Variants in PCDHA3 observed in about 807,000 individuals in gnomAD.
PCDHA3 encodes the protein protocadherin alpha 3.
In PCDHA3, 41 loss-of-function variants were observed where a neutral mutation model predicts 62.2. That is an observed-to-expected ratio of 0.66 (90% CI 0.51 to 0.86). PCDHA3 has a LOEUF of 0.86. Among genes scored for constraint, PCDHA3 ranks in the 40% least tolerant of loss-of-function variants. The pLI is 0.00. For synonymous variants in PCDHA3, 640 were observed against 555.4 expected (o/e 1.15, Z -2.14); for missense variants, 1,304 against 1,241.2 (o/e 1.05, Z -0.76).
chr5:140,860,713 A>G (rs2046537417), intron 1 of PCDHA3: 1 of 152,204 alleles, frequency 6.6e-6, no homozygotes, highest in Non-Finnish European at 1.5e-5. Context: ...GTTCTCCATG[A>G]AAAGTTTTTT....
chr5:140,869,828 T>G, intron 1 of PCDHA3: 2 of 1,611,962 alleles, frequency 1.2e-6, no homozygotes, highest in South Asian at 2.2e-5. Context: ...GATCCAGAGT[T>G]TGATAAATCA....
At chr5:140,849,934 G>A (rs2150458402) in intron 1 of PCDHA3, 1 of 1,598,054 alleles carries the variant, frequency 6.3e-7, no homozygotes, top group East Asian at 2.2e-5. Context: ...GTGTCTGCGC[G>A]GGACGCTGAC....
chr5:140,928,921 C>A (rs782289381), intron 1 of PCDHA3: 1 of 1,614,116 alleles, frequency 6.2e-7, no homozygotes, highest in Non-Finnish European at 8.5e-7. Flanking sequence ...AGGAGGGCAG[C>A]TTTCTGCCCA....
At chr5:140,936,986 A>G (rs2091244455) in intron 1 of PCDHA3, among the ~76,000 whole-genome samples, 1 of 151,898 alleles carries the variant, frequency 6.6e-6, no homozygotes, top group Non-Finnish European at 1.5e-5. Context: ...GCTTGTTAAC[A>G]TTGACAATAT....
intron 2 of PCDHA3, among the ~76,000 whole-genome samples, chr5:140,981,687 A>ATCATTCAT (rs200213847): frequency 0.01 from 1,586 of 152,088 alleles, 32 homozygotes; most frequent in African/African-American, 0.036. Flanking sequence ...CCTCCCTTCC[A>ATCATTCAT]TCATTCATTC....
chr5:140,843,347 C>T, intron 1 of PCDHA3: 1 of 1,596,018 alleles, frequency 6.3e-7, no homozygotes. Flanking sequence ...CGGCCAGGCT[C>T]CAAAAGCGTC....
chr5:140,869,516 A>G, intron 1 of PCDHA3: 2 of 1,614,226 alleles, frequency 1.2e-6, no homozygotes, highest in Non-Finnish European at 1.7e-6. Flanking sequence ...CTCAGAGAAC[A>G]AAAGCTGCTG....
At position 140,877,077 on chromosome 5, in the gene PCDHA3, G is replaced by A. The variant is rs373726752; in HGVS notation, c.2394+73486G>A. The A allele has an allele frequency of 1.1e-4, 183 of 1,613,104 alleles. 1 individual carries two copies. The highest frequency in any genetic ancestry group is 1.5e-4 in the Non-Finnish European group (175 of 1,179,844). On this transcript the variant is annotated intron_variant, in intron 1 of 3. Coordinates refer to ENST00000522353, the MANE Select transcript of PCDHA3 (RefSeq NM_018906.3). ...AGCTGGAGCTGCTGCAGTTCCAGGT[G>A]AGCGCGCGCGACGCCGGCGTGCCGC...
Position 140,883,664 on chromosome 5 carries a change from G to A in PCDHA3, c.2394+80073G>A, listed in dbSNP as rs200846533. The A allele has an allele frequency of 6.7e-5, 108 of 1,613,836 alleles. No individual in the cohort carries two copies. Among genetic ancestry groups the A allele is most frequent in the Non-Finnish European group, 8.9e-5 (105 of 1,179,872 alleles). On this transcript the variant is annotated intron_variant, in intron 1 of 3. Transcript: ENST00000522353. ...GCCCGAGTACACGGTGTTCGTGAAG[G>A]AAAACAATCCGCCGGGCTGCCACAT... is the stretch of plus-strand genomic sequence containing the variant.
rs1484578726 is a variant in PCDHA3 at position 140,802,134 on chromosome 5, A to G, written c.937A>G (p.Ser313Gly). ...SVKGNIDFEE[S>G]KSYEIQVEAT... The stretch of plus-strand genomic sequence containing the variant: ...AAAGGGTAACATAGATTTCGAGGAA[A>G]GTAAGTCATATGAAATCCAGGTAGA... Residue 313 changes from serine (S) to glycine (G), a missense_variant, in exon 1 of 4, where the codon AGT (serine) becomes GGT (glycine). Ser to Gly is a moderately conservative substitution (Grantham distance 56, BLOSUM62 0). Coordinates refer to ENST00000522353, the MANE Select transcript of PCDHA3 (RefSeq NM_018906.3). The G allele has an allele frequency of 1.2e-6, 2 of 1,614,248 alleles. No homozygotes were observed. Among genetic ancestry groups the G allele is most frequent in the African/African-American group, 1.3e-5 (1 of 75,066 alleles).
chr5:140,950,087 T>G (rs1433717313), intron 1 of PCDHA3, among the ~76,000 whole-genome samples: 3 of 151,938 alleles, frequency 2.0e-5, no homozygotes, highest in Admixed American at 6.6e-5. Flanking sequence ...ATGCTATAGT[T>G]TTCATTTGTA....
rs200439538 is a variant in PCDHA3, at chr5:140,842,555, G to T, written c.2394+38964G>T. On this transcript the variant is annotated intron_variant, in intron 1 of 3. Transcript: ENST00000522353. ...TTACTACTCGTTGGTGCTGGACAGC[G>T]CCCTGGACCGCGAGAGAGTGTCGGC... The T allele has an allele frequency of 1.4e-6, 2 of 1,465,832 alleles. No homozygotes were observed. Among genetic ancestry groups the T allele is most frequent in the Non-Finnish European group, 1.9e-6 (2 of 1,075,884 alleles). The allele number at this position is 1,465,832 out of a possible 1,614,324, so 90.8% of individuals were successfully genotyped here. A position where few individuals can be genotyped will look rare whatever the true frequency, so the allele number is the denominator to read the frequency against.
intron 2 of PCDHA3, among the ~76,000 whole-genome samples, chr5:140,982,084 A>G (rs2096965344): frequency 6.6e-6 from 1 of 152,266 alleles, no homozygotes; most frequent in East Asian, 1.9e-4. Flanking sequence ...TAGAGAACCT[A>G]GGAACAAGAG....
At chr5:140,991,843 T>G (rs2097475576) in intron 3 of PCDHA3, among the ~76,000 whole-genome samples, 1 of 152,194 alleles carries the variant, frequency 6.6e-6, no homozygotes, top group Admixed American at 6.6e-5. Context: ...GAACCGCACT[T>G]CCAGATACCA....
intron 1 of PCDHA3, among the ~76,000 whole-genome samples, chr5:140,942,047 T>C (rs2093223138): frequency 6.6e-6 from 1 of 152,228 alleles, no homozygotes; most frequent in African/African-American, 2.4e-5. Context: ...TGGTCTATTA[T>C]GAAATGTTTG....
chr5:140,860,479 C>T (rs1348082358), intron 1 of PCDHA3: 1 of 152,030 alleles, frequency 6.6e-6, no homozygotes, highest in Non-Finnish European at 1.5e-5. Context: ...TGCAGTAGTA[C>T]TTTATTTAGG....
intron 1 of PCDHA3, chr5:140,875,857 A>C: frequency 6.2e-7 from 1 of 1,614,124 alleles, no homozygotes; most frequent in Non-Finnish European, 8.5e-7. Context: ...CATTAACGAC[A>C]ACCCGCCGGT....
chr5:141,001,764 G>A (rs1186356180), intron 3 of PCDHA3, among the ~76,000 whole-genome samples: 1 of 152,160 alleles, frequency 6.6e-6, no homozygotes, highest in East Asian at 1.9e-4. Context: ...GATGGCGGAT[G>A]GTTTTTGCCT....
At chr5:140,825,690 G>C (rs1554130328) in intron 1 of PCDHA3, 1 of 152,172 alleles carries the variant, frequency 6.6e-6, no homozygotes, top group Admixed American at 6.6e-5. Context: ...CCAAAGTGCT[G>C]GGATTGCAGG....
Sources: gnomAD v4.1 joint callset for allele counts (sites outside exome capture counted in the v4.1 genomes callset) on GRCh38, gnomAD v4.1.1 for gene constraint, MANE v1.5 for transcripts, NCBI Gene and HGNC (gene_info 2026-07-23, HGNC 2026-07-21) for gene names.